ROS1: variants seen among roughly 807,000 people sequenced by gnomAD.
ROS1 encodes ROS proto-oncogene 1, receptor tyrosine kinase, also known as proto-oncogene tyrosine-protein kinase ROS.
ROS1 carries 263 observed loss-of-function variants against 273.5 expected under a neutral mutation model. The observed-to-expected ratio is 0.96, with a 90% CI of 0.87 to 1.06. ROS1 has a LOEUF of 1.06. Among genes scored for constraint, ROS1 ranks in the 50% least tolerant of loss-of-function variants. The probability of loss-of-function intolerance (pLI) is 0.00; values close to 1 mark genes in which losing one functional copy is unlikely to be tolerated. For missense variants in ROS1, 2,833 were observed against 2,751.1 expected (o/e 1.03, Z -0.67); for synonymous variants, 1,008 against 954.1 (o/e 1.06, Z -1.04).
chr6:117,317,888 C>T (rs776442907), intron 38 of ROS1, among the ~76,000 whole-genome samples: 1 of 152,138 alleles, frequency 6.6e-6, no homozygotes, highest in African/African-American at 2.4e-5. Flanking sequence ...TGACCATTAT[C>T]ACACATTTAG....
chr6:117,292,946 C>A (rs1773947934), intron 43 of ROS1, among the ~76,000 whole-genome samples: 2 of 152,048 alleles, frequency 1.3e-5, no homozygotes, highest in East Asian at 1.9e-4. Context: ...GACCAATAAC[C>A]CTCCAATTTT....
intron 43 of ROS1, among the ~76,000 whole-genome samples, chr6:117,292,051 G>C (rs1172170187): frequency 1.3e-5 from 2 of 151,444 alleles, no homozygotes; most frequent in Non-Finnish European, 2.9e-5. Flanking sequence ...CTCACTGCAA[G>C]CTCTGCCTCC....
chr6:117,425,550 G>T lies in ROS1; in HGVS notation c.107C>A (p.Ser36Ter). 3 of 1,596,104 alleles carry T rather than the reference G, an allele frequency of 1.9e-6. No homozygotes were observed. Among genetic ancestry groups the T allele is most frequent in the Non-Finnish European group, 2.6e-6 (3 of 1,174,582 alleles). ...GAGACTTACCAGATTAGTTACACACGACTTTAGGCAGCTATTTAAAACTGT... is the reference window on the plus strand; with the variant it reads ...GAGACTTACCAGATTAGTTACACACTACTTTAGGCAGCTATTTAAAACTGT... The part of the protein sequence containing the change: ...QCTVLNSCLK[S>*]CVTNLGQQLD... The change falls in exon 1 of 44, where the codon TCG (serine) becomes TAG (stop). Residue 36 changes from serine (S) to a stop codon, truncating the protein, a stop_gained. Transcript: ENST00000368507. LOFTEE classifies it high-confidence loss of function.
chr6:117,394,120 A>G, intron 11 of ROS1, 42 bp downstream of exon 11: 1 of 1,309,580 alleles, frequency 7.6e-7, no homozygotes, highest in Non-Finnish European at 1.1e-6. Context: ...GCATATCAGT[A>G]TCACTGTCTA....
intron 23 of ROS1, 85 bp downstream of exon 23, chr6:117,360,257 C>A: frequency 2.1e-6 from 2 of 971,778 alleles, no homozygotes; most frequent in East Asian, 2.8e-5. Flanking sequence ...GTTCATATCC[C>A]TAAAGACACC....
chr6:117,356,554 G>T, intron 26 of ROS1, 75 bp downstream of exon 26: 1 of 1,317,740 alleles, frequency 7.6e-7, no homozygotes, highest in Non-Finnish European at 1.1e-6. Context: ...TACGCGGAAT[G>T]CAAGCCCTTT....
chr6:117,334,640 A>T (rs1777332264), intron 32 of ROS1, among the ~76,000 whole-genome samples: 1 of 152,168 alleles, frequency 6.6e-6, no homozygotes, highest in African/African-American at 2.4e-5. Flanking sequence ...GTACCAAAAC[A>T]AATATATAGA....
chr6:117,293,945 T>C (rs748018703), intron 43 of ROS1, among the ~76,000 whole-genome samples: 1 of 152,140 alleles, frequency 6.6e-6, no homozygotes, highest in African/African-American at 2.4e-5. Context: ...ATGAAAAAGA[T>C]AGCACACTAT....
At chr6:117,303,220 G>T (rs1262538401) in intron 42 of ROS1, among the ~76,000 whole-genome samples, 1 of 152,130 alleles carries the variant, frequency 6.6e-6, no homozygotes, top group African/African-American at 2.4e-5. Context: ...CAGGGAGAGA[G>T]AACTGATAAA....
chr6:117,349,369 T>C (rs1778624785), intron 27 of ROS1, among the ~76,000 whole-genome samples: 1 of 152,062 alleles, frequency 6.6e-6, no homozygotes, highest in African/African-American at 2.4e-5. Flanking sequence ...TGAAGTCTGC[T>C]GTCTGAAATT....
intron 43 of ROS1, among the ~76,000 whole-genome samples, chr6:117,294,944 G>A (rs1774107783): frequency 6.6e-6 from 1 of 152,010 alleles, no homozygotes. Context: ...ATTCTTCACA[G>A]AAATAGAAAA....
In ROS1 at chr6:117,320,057, C is replaced by T. The variant is rs777734044; in HGVS notation, c.5760-27G>A. The T allele has an allele frequency of 7.5e-6, 12 of 1,607,540 alleles. No individual in the cohort carries two copies. In the South Asian group the frequency reaches 1.3e-4, roughly 18 times the overall value. ...TGTAAAATAGCAACATTTTTGTCTC[C>T]CCACCCTCCACATATATAGGGTGTA... On this transcript the variant is annotated intron_variant, in intron 36 of 43. Transcript: ENST00000368507.
At chr6:117,419,672 A>C (rs557593713) in intron 1 of ROS1, among the ~76,000 whole-genome samples, 2 of 152,188 alleles carry the variant, frequency 1.3e-5, no homozygotes, top group Non-Finnish European at 2.9e-5. Context: ...TGAGTTGAAA[A>C]TTGAATCTTT....
intron 4 of ROS1, among the ~76,000 whole-genome samples, chr6:117,412,267 G>A (rs958670183): frequency 8.6e-5 from 13 of 151,878 alleles, no homozygotes; most frequent in African/African-American, 3.1e-4. Context: ...GCTATAATAA[G>A]ATCTATTTTG....
In ROS1 at chr6:117,288,244, G is replaced by A. The variant is rs137980952; in HGVS notation, c.*248C>T. The A allele has an allele frequency of 9.0e-4, 451 of 499,032 alleles. 6 individuals carry two copies. In the East Asian group the frequency reaches 0.013, roughly 14 times the overall value. 30.9% of individuals were successfully genotyped at this position (499,032 alleles called of 1,614,324 possible). The stretch of plus-strand genomic sequence containing the variant: ...AGCAGTGTTTCCCTTCCAGACTTCT[G>A]AGTCTTCCTAAGCTTTCCACATGCT... On this transcript the variant is annotated 3_prime_UTR_variant, in exon 44 of 44. Coordinates refer to ENST00000368507, the MANE Select transcript of ROS1 (RefSeq NM_001378902.1).
In ROS1 at chr6:117,360,411, G is replaced by A; in HGVS notation, c.3367-6C>T. ...TTAGATGTAAAGGCCCTAACCTAAAGAAAAGGAAACAAAAATTGCATTCAG... is the reference window on the plus strand; with the variant it reads ...TTAGATGTAAAGGCCCTAACCTAAAAAAAAGGAAACAAAAATTGCATTCAG... On this transcript the variant is annotated splice_region_variant and splice_polypyrimidine_tract_variant and intron_variant, in intron 22 of 43. Transcript: ENST00000368507. 6.2e-7 allele frequency: 1 copy of A among 1,611,152 alleles called. No individual in the cohort carries two copies. Among genetic ancestry groups the A allele is most frequent in the Admixed American group, 1.7e-5 (1 of 59,592 alleles).
Position 117,388,000 on chromosome 6 carries a change from A to C in ROS1, c.1787-8T>G, listed in dbSNP as rs749046164. On this transcript the variant is annotated splice_region_variant and splice_polypyrimidine_tract_variant and intron_variant, in intron 13 of 43. Transcript: ENST00000368507. ...TCTGCCAGGCAGAAGGGCCTAATTC[A>C]AAGAGTTCAATAATATCACTGATCA... 6.2e-6 allele frequency: 10 copies of C among 1,614,186 alleles called. No individual in the cohort carries two copies. Among genetic ancestry groups the C allele is most frequent in the Non-Finnish European group, 8.5e-6 (10 of 1,180,012 alleles).
intron 26 of ROS1, among the ~76,000 whole-genome samples, chr6:117,354,122 A>G (rs1482466647): frequency 2.6e-5 from 4 of 152,194 alleles, no homozygotes; most frequent in South Asian, 2.1e-4. Flanking sequence ...AGGTCAAGGC[A>G]GGCAGATTGC....
chr6:117,360,014 GA>G lies in ROS1; in HGVS notation c.3431-4del. The G allele has an allele frequency of 3.1e-6, 5 of 1,608,298 alleles. No individual in the cohort carries two copies. Among genetic ancestry groups the G allele is most frequent in the Non-Finnish European group, 4.2e-6 (5 of 1,177,244 alleles). On this transcript the variant is annotated splice_polypyrimidine_tract_variant and splice_region_variant and intron_variant, in intron 23 of 43. Transcript: ENST00000368507. Reference sequence around the variant, plus strand: ...GAGGTGAGGAAATGGGTTGATTTCTGAAAGCAAAAAAACATGTAGATAATAT... The same window carrying G: ...GAGGTGAGGAAATGGGTTGATTTCTGAAGCAAAAAAACATGTAGATAATAT...
Sources: gnomAD v4.1 joint callset for allele counts (sites outside exome capture counted in the v4.1 genomes callset) on GRCh38, gnomAD v4.1.1 for gene constraint, MANE v1.5 for transcripts, NCBI Gene and HGNC (gene_info 2026-07-23, HGNC 2026-07-21) for gene names.